Variants in ZNF75D observed in about 807,000 individuals in gnomAD.
The protein encoded by ZNF75D is zinc finger protein 75.
In ZNF75D, 33 loss-of-function variants were observed where a neutral mutation model predicts 33.3. The ratio of observed to expected loss-of-function variants is 0.99; its 90% CI spans 0.75 to 1.32. The LOEUF (loss-of-function observed/expected upper bound fraction) is 1.32, where lower values mean the gene tolerates loss of function less well. Ranked by LOEUF, ZNF75D falls within the 40% of genes most tolerant of loss-of-function variation. The pLI is 0.00. For missense variants in ZNF75D, 338 were observed against 367.5 expected (o/e 0.92, Z 0.66); for synonymous variants, 113 against 130.6 (o/e 0.87, Z 0.92).
chrX:135,333,059 TA>T (rs1333786238), intron 1 of ZNF75D, among the ~76,000 whole-genome samples: 2 of 109,236 alleles, frequency 1.8e-5, no homozygotes, highest in African/African-American at 6.7e-5. Context: ...GAATCACAAG[TA>T]AAAAATCCAA....
downstream of ZNF75D, among the ~76,000 whole-genome samples, chrX:135,283,715 T>C (rs1174215413): frequency 1.8e-5 from 2 of 111,689 alleles, no homozygotes; most frequent in Non-Finnish European, 3.8e-5. Context: ...AGGAGCAGGA[T>C]TGGCCTGTGG....
intron 1 of ZNF75D, among the ~76,000 whole-genome samples, chrX:135,262,081 G>T (rs1440608118): frequency 1.8e-5 from 2 of 111,825 alleles, no homozygotes; most frequent in Non-Finnish European, 3.8e-5. Context: ...TGAAATTCTG[G>T]ATTGAAAATT....
chrX:135,319,008 C>T (rs1164558877), intron 1 of ZNF75D, among the ~76,000 whole-genome samples: 1 of 111,569 alleles, frequency 9.0e-6, no homozygotes, highest in African/African-American at 3.3e-5. Context: ...TCTCTGAGAC[C>T]TTCCAACTGT....
In ZNF75D at chrX:135,323,989, GCACACACACACACA is replaced by G. The variant is rs34146473; in HGVS notation, c.-391+17765_-391+17778del. On this transcript the variant is annotated intron_variant, in intron 1 of 6. Transcript: ENST00000370766. ...GCTCACTGTACCAATACTTGTTGCA[GCACACACACACACA>G]CACACACACACACACACACACGCAC... Among the ~76,000 whole-genome samples, 11 of 97,612 alleles carry G rather than the reference GCACACACACACACA, an allele frequency of 1.1e-4. No homozygotes were observed. The East Asian group carries it at 1.6e-3, about 14-fold the overall frequency. The allele number at this position is 97,612 out of a possible 115,157, so 84.8% of individuals were successfully genotyped here. A position where few individuals can be genotyped will look rare whatever the true frequency, so the allele number is the denominator to read the frequency against.
chrX:135,256,307 A>C (rs1192492281), intron 1 of ZNF75D, among the ~76,000 whole-genome samples: 5 of 96,205 alleles, frequency 5.2e-5, no homozygotes, highest in Non-Finnish European at 1.0e-4. Flanking sequence ...GAGTCTGTGC[A>C]CTTTGGGGAG....
chrX:135,342,189 G>T lies in ZNF75D; in HGVS notation c.-812C>A, dbSNP rs1337807816. 2 of 111,813 alleles carry T rather than the reference G, an allele frequency of 1.8e-5. No homozygotes were observed. The allele number at this position is 111,813 out of a possible 1,213,427, so 9.2% of individuals were successfully genotyped here. A position where few individuals can be genotyped will look rare whatever the true frequency, so the allele number is the denominator to read the frequency against. On this transcript the variant is annotated 5_prime_UTR_variant, in exon 1 of 7. Coordinates refer to ENST00000370766, the MANE Select transcript of ZNF75D (RefSeq NM_007131.5). ...AGTAGCAACTACTCTACACTTCAGG[G>T]CTCCTCTAAGTATCCATTGGCTCCA...
intron 1 of ZNF75D, among the ~76,000 whole-genome samples, chrX:135,336,721 T>C (rs1159981156): frequency 8.9e-6 from 1 of 112,509 alleles, no homozygotes; most frequent in Non-Finnish European, 1.9e-5. Context: ...AAAAGAAATC[T>C]TCAAGACACC....
At position 135,334,500 on chromosome X, in the gene ZNF75D, C is replaced by T. The variant is rs142654162; in HGVS notation, c.-391+7268G>A. Among the ~76,000 whole-genome samples, 434 of 112,118 alleles carry T rather than the reference C, an allele frequency of 3.9e-3. 3 individuals are homozygous for T. Among genetic ancestry groups the T allele is most frequent in the Middle Eastern group, 0.014 (3 of 216 alleles). ...AGATCCTTGATCATTCCCAAAGGCT[C>T]TCAAAGAAAGCAGCACAATGCCCAC... On this transcript the variant is annotated intron_variant, in intron 1 of 6. Coordinates refer to ENST00000370766, the MANE Select transcript of ZNF75D (RefSeq NM_007131.5).
chrX:135,258,549 T>C (rs1166618083), intron 1 of ZNF75D, among the ~76,000 whole-genome samples: 1 of 111,836 alleles, frequency 8.9e-6, no homozygotes, highest in Non-Finnish European at 1.9e-5. Context: ...TGACCAATGA[T>C]GAGGAGCTTT....
chrX:135,263,323 G>A (rs1477806915), intron 1 of ZNF75D, among the ~76,000 whole-genome samples: 2 of 112,704 alleles, frequency 1.8e-5, no homozygotes, highest in Admixed American at 9.3e-5. Flanking sequence ...CAAACACTGT[G>A]CTGGGAGAAC....
chrX:135,277,498 C>A (rs1314953174), intron 1 of ZNF75D, among the ~76,000 whole-genome samples: 1 of 112,364 alleles, frequency 8.9e-6, no homozygotes, highest in African/African-American at 3.2e-5. Flanking sequence ...TTAATTAGAT[C>A]ACATTTGTCA....
At chrX:135,302,994 C>T (rs1212482569) in intron 1 of ZNF75D, among the ~76,000 whole-genome samples, 2 of 110,325 alleles carry the variant, frequency 1.8e-5, no homozygotes, top group South Asian at 4.1e-4. Flanking sequence ...CAGGTAAACA[C>T]GTGAACAAAG....
Position 135,287,628 on chromosome X carries a change from G to A in ZNF75D, c.1042C>T (p.Leu348Phe), listed in dbSNP as rs782230363. 7.4e-6 allele frequency: 9 copies of A among 1,209,576 alleles called. No homozygotes were observed. The South Asian group carries it at 1.2e-4, about 17-fold the overall frequency. ...RKKPATCKQELPKLMDLHGKG... is the reference protein window; with the variant it reads ...RKKPATCKQEFPKLMDLHGKG... The stretch of plus-strand genomic sequence containing the variant: ...CCATGAAGATCCATAAGTTTTGGAA[G>A]CTCTTGTTTACAAGTTGCAGGTTTC... Residue 348 changes from leucine (L) to phenylalanine (F), a missense_variant, in exon 7 of 7, where the codon CTT becomes TTT. Leu to Phe is a conservative substitution (Grantham distance 22, BLOSUM62 0). Coordinates refer to ENST00000370766, the MANE Select transcript of ZNF75D (RefSeq NM_007131.5).
intron 1 of ZNF75D, among the ~76,000 whole-genome samples, chrX:135,303,294 C>T (rs1556425124): frequency 9.0e-6 from 1 of 110,631 alleles, no homozygotes; most frequent in African/African-American, 3.3e-5. Flanking sequence ...TCATGGGTGT[C>T]GGGCTGGGGG....
intron 1 of ZNF75D, among the ~76,000 whole-genome samples, chrX:135,275,129 A>G (rs1284916791): frequency 8.9e-6 from 1 of 112,780 alleles, no homozygotes; most frequent in Non-Finnish European, 1.9e-5. Flanking sequence ...AAAAGTTAAG[A>G]TAATAAAATA....
intron 1 of ZNF75D, among the ~76,000 whole-genome samples, chrX:135,277,191 G>C (rs186478375): frequency 5.9e-4 from 66 of 111,944 alleles, no homozygotes; most frequent in African/African-American, 2.0e-3. Flanking sequence ...ATTCTAACTT[G>C]TGTGAGATAT....
chrX:135,314,314 A>G (rs1476046549), intron 1 of ZNF75D, among the ~76,000 whole-genome samples: 1 of 111,805 alleles, frequency 8.9e-6, no homozygotes, highest in Non-Finnish European at 1.9e-5. Flanking sequence ...TATATGTTAA[A>G]CCATCCTTAC....
chrX:135,258,670 A>G (rs1445804545), intron 1 of ZNF75D, among the ~76,000 whole-genome samples: 1 of 110,848 alleles, frequency 9.0e-6, no homozygotes, highest in Non-Finnish European at 1.9e-5. Context: ...AATTTCTTTG[A>G]GTTCTTTGTA....
intron 1 of ZNF75D, among the ~76,000 whole-genome samples, chrX:135,306,911 G>A (rs989003837): frequency 1.8e-5 from 2 of 110,990 alleles, no homozygotes; most frequent in Non-Finnish European, 3.8e-5. Context: ...TGGGGTCTCC[G>A]TATGTTACCC....
Sources: allele counts gnomAD v4.1 joint callset (sites outside exome capture counted in the v4.1 genomes callset), GRCh38; gene constraint gnomAD v4.1.1; transcripts MANE v1.5; gene names NCBI Gene and HGNC (gene_info 2026-07-23, HGNC 2026-07-21).